RNF125: variants seen among roughly 807,000 people sequenced by gnomAD.
RNF125 encodes the protein ring finger protein 125, also known as E3 ubiquitin-protein ligase RNF125.
Under a neutral mutation model 26.0 loss-of-function variants are expected in RNF125, and 21 were observed. The observed-to-expected ratio is 0.81, with a 90% CI of 0.57 to 1.16. The LOEUF is 1.16. Among genes scored for constraint, RNF125 ranks in the 50% most tolerant of loss-of-function variants. RNF125 has a pLI of 0.00. For missense variants in RNF125, 270 were observed against 299.4 expected (o/e 0.90, Z 0.72); for synonymous variants, 95 against 109.2 (o/e 0.87, Z 0.81).
rs796828237 is a variant in RNF125, at chr18:32,037,364, C to CTTTTTTTTT, written c.318+112_318+120dup. ...CTGCTTCTGACCCCATGGTACGCAC[C>CTTTTTTTTT]TTTTTTTTTTTTTTTTTTTTTTTTT... On this transcript the variant is annotated intron_variant, in intron 2 of 5. Coordinates refer to ENST00000217740, the MANE Select transcript of RNF125 (RefSeq NM_017831.4). 10 of 132,876 alleles carry CTTTTTTTTT rather than the reference C, an allele frequency of 7.5e-5. 1 individual carries two copies. The highest frequency in any genetic ancestry group is 1.2e-4 in the South Asian group (1 of 8,342). The allele number at this position is 132,876 out of a possible 1,614,324, so 8.2% of individuals were successfully genotyped here.
chr18:32,045,715 TC>T lies in RNF125; in HGVS notation c.488del (p.Ser163TrpfsTer13). 6.2e-7 allele frequency: 1 copy of T among 1,612,428 alleles called. No homozygotes were observed. Among genetic ancestry groups the T allele is most frequent in the Non-Finnish European group, 8.5e-7 (1 of 1,179,200 alleles). On this transcript the variant is annotated frameshift_variant, in exon 4 of 6. Coordinates refer to ENST00000217740, the MANE Select transcript of RNF125 (RefSeq NM_017831.4). LOFTEE classifies it high-confidence loss of function. ...LLDHCITHHR[S>X]ERRPVFCPLC... is the part of the protein sequence containing the mutation. Reference sequence around the variant, plus strand: ...GGATCATTGTATTACTCATCACAGATCGGAACGGAGGCCTGTGGTAAGGATT... The same window carrying T: ...GGATCATTGTATTACTCATCACAGATGGAACGGAGGCCTGTGGTAAGGATT...
intron 1 of RNF125, among the ~76,000 whole-genome samples, chr18:32,023,404 C>T (rs766131329): frequency 6.6e-6 from 1 of 152,132 alleles, no homozygotes; most frequent in Non-Finnish European, 1.5e-5. Flanking sequence ...TTGCCTGCCT[C>T]GGCCTCCCAA....
chr18:32,061,623 G>A (rs1372085553), intron 4 of RNF125, among the ~76,000 whole-genome samples: 1 of 152,140 alleles, frequency 6.6e-6, no homozygotes, highest in Non-Finnish European at 1.5e-5. Context: ...TTCCTCTGCT[G>A]TGATGCTCCT....
chr18:32,051,593 C>T (rs1263858743), intron 4 of RNF125, among the ~76,000 whole-genome samples: 2 of 116,682 alleles, frequency 1.7e-5, no homozygotes, highest in South Asian at 3.0e-4. Flanking sequence ...CCAGCCTGGG[C>T]GACAAGAGCA....
chr18:32,036,985 A>G, intron 1 of RNF125, 131 bp from the exon 2 acceptor site: 1 of 739,454 alleles, frequency 1.4e-6, no homozygotes, highest in South Asian at 1.8e-5. Flanking sequence ...GTGCAAGTGG[A>G]CCTGTAATTT....
At chr18:32,040,562 G>A (rs2039207261) in intron 2 of RNF125, among the ~76,000 whole-genome samples, 1 of 151,978 alleles carries the variant, frequency 6.6e-6, no homozygotes, top group Non-Finnish European at 1.5e-5. Context: ...GAGCTACCAC[G>A]CCCAGCCCCT....
Position 32,069,725 on chromosome 18 carries a change from A to C in RNF125, c.*1341A>C, listed in dbSNP as rs2039516273. The C allele has an allele frequency of 6.6e-6, 1 of 152,198 alleles. No homozygotes were observed. The allele number at this position is 152,198 out of a possible 1,614,324, so 9.4% of individuals were successfully genotyped here. On this transcript the variant is annotated 3_prime_UTR_variant, in exon 6 of 6. Transcript: ENST00000217740. ...ATCTATATTTTAATATTATCAATTTAAAGTTGTTATTAAATGTATATTTTA... is the reference window on the plus strand; with the variant it reads ...ATCTATATTTTAATATTATCAATTTCAAGTTGTTATTAAATGTATATTTTA...
chr18:32,080,410 C>T, the RNF125 span, among the ~76,000 whole-genome samples: 1 of 152,220 alleles, frequency 6.6e-6, no homozygotes, highest in Non-Finnish European at 1.5e-5. Context: ...GCAAGAAGGT[C>T]AAAGTCTTAT....
In RNF125 at chr18:32,068,335, T is replaced by C. The variant is rs968102373; in HGVS notation, c.650T>C (p.Val217Ala). The change falls in exon 6 of 6, where the codon GTC (valine) becomes GCC (alanine). Residue 217 changes from valine (V) to alanine (A), a missense_variant. Transcript: ENST00000217740. ...NIIEEALIRR[V>A]LDRSLLEYVN... is the part of the protein sequence containing the mutation. ...ATTGAGGAAGCTCTTATCCGAAGAGTCTTAGACCGGTCACTTCTTGAATAT... is the reference window on the plus strand; with the variant it reads ...ATTGAGGAAGCTCTTATCCGAAGAGCCTTAGACCGGTCACTTCTTGAATAT... 3.1e-6 allele frequency: 5 copies of C among 1,596,642 alleles called. No individual in the cohort carries two copies. The highest frequency in any genetic ancestry group is 4.3e-6 in the Non-Finnish European group (5 of 1,164,492).
At chr18:32,023,311 C>A (rs796537602) in intron 1 of RNF125, among the ~76,000 whole-genome samples, 61 of 152,282 alleles carry the variant, frequency 4.0e-4, no homozygotes, top group Admixed American at 1.2e-3. Context: ...CACCACCACA[C>A]CTGGCTAGTT....
intron 1 of RNF125, among the ~76,000 whole-genome samples, chr18:32,020,282 A>G (rs1390287205): frequency 6.6e-6 from 1 of 151,842 alleles, no homozygotes; most frequent in East Asian, 2.0e-4. Context: ...TCCTGACCTC[A>G]ATTGATCCAC....
intron 1 of RNF125, among the ~76,000 whole-genome samples, chr18:32,032,638 T>C (rs1019211087): frequency 2.0e-5 from 3 of 152,046 alleles, no homozygotes; most frequent in African/African-American, 7.2e-5. Flanking sequence ...CTTAACAGTA[T>C]GCAACAACTT....
At chr18:32,019,162 G>A (rs1314724934) in intron 1 of RNF125, 135 bp downstream of exon 1, 7 of 1,046,692 alleles carry the variant, frequency 6.7e-6, no homozygotes, top group African/African-American at 1.7e-5. Context: ...ACCTGGACCC[G>A]TCGGATGCAG....
intron 2 of RNF125, among the ~76,000 whole-genome samples, chr18:32,039,018 G>A (rs1220778827): frequency 2.0e-5 from 3 of 150,586 alleles, no homozygotes; most frequent in Non-Finnish European, 3.0e-5. Flanking sequence ...TGCCCGCCTC[G>A]GACTCCCAAA....
intron 1 of RNF125, chr18:32,031,135 C>T (rs1402403659): frequency 6.6e-6 from 1 of 151,948 alleles, no homozygotes; most frequent in African/African-American, 2.4e-5. Flanking sequence ...GGGACACATT[C>T]ATTATATCAG....
chr18:32,060,003 G>A (rs886801344), intron 4 of RNF125, among the ~76,000 whole-genome samples: 10 of 152,116 alleles, frequency 6.6e-5, no homozygotes, highest in Admixed American at 5.2e-4. Flanking sequence ...CCTAGCAAGA[G>A]GATTTCTTTG....
chr18:32,029,263 G>C (rs996971925), intron 1 of RNF125, among the ~76,000 whole-genome samples: 1 of 152,044 alleles, frequency 6.6e-6, no homozygotes, highest in African/African-American at 2.4e-5. Context: ...TCTCACTTCT[G>C]CCTTATCTTC....
chr18:32,050,422 T>A (rs1315762571), intron 4 of RNF125, among the ~76,000 whole-genome samples: 1 of 152,188 alleles, frequency 6.6e-6, no homozygotes, highest in African/African-American at 2.4e-5. Flanking sequence ...TGGGCTCAAG[T>A]GATCCTTACC....
At chr18:32,042,344 C>CT (rs1316236216) in intron 3 of RNF125, 71 bp downstream of exon 3, 2 of 884,186 alleles carry the variant, frequency 2.3e-6, no homozygotes, top group Admixed American at 2.6e-5. Flanking sequence ...GGGCTGGAAA[C>CT]TTTAACATTC....
Sources: allele counts gnomAD v4.1 joint callset (sites outside exome capture counted in the v4.1 genomes callset), GRCh38; gene constraint gnomAD v4.1.1; transcripts MANE v1.5; gene names NCBI Gene and HGNC (gene_info 2026-07-23, HGNC 2026-07-21).